Variants in EYA1 observed in about 807,000 individuals in gnomAD.
EYA1 encodes the protein protein phosphatase EYA1.
Under a neutral mutation model 82.0 loss-of-function variants are expected in EYA1, and 16 were observed. The observed-to-expected ratio is 0.20, with a 90% confidence interval of 0.13 to 0.30. EYA1 has a LOEUF of 0.30. Ranked by LOEUF, EYA1 falls within the 10% of genes least tolerant of loss-of-function variation. The probability of loss-of-function intolerance (pLI) is 1.00; values close to 1 mark genes in which losing one functional copy is unlikely to be tolerated. For missense variants in EYA1, 633 were observed against 730.7 expected (o/e 0.87, Z 1.54); for synonymous variants, 261 against 264.4 (o/e 0.99, Z 0.12).
chr8:71,215,453 T>G lies in EYA1; in HGVS notation c.1531A>C (p.Lys511Gln). The change falls in exon 16 of 18, where the codon AAA becomes CAA. Residue 511 changes from lysine to glutamine, a missense_variant. Coordinates refer to ENST00000340726, the MANE Select transcript of EYA1 (RefSeq NM_000503.6). ...ATTCCTAACCCATACAGCAGGACTT[T>G]CGCCAATGCTGGGATGAGCTGAGTA... ...TTTQLIPALA[K>Q]VLLYGLGIVF... 2 of 1,613,350 alleles carry G rather than the reference T, an allele frequency of 1.2e-6. No individual in the cohort carries two copies. The highest frequency in any genetic ancestry group is 1.7e-6 in the Non-Finnish European group (2 of 1,179,236).
chr8:71,209,858 G>A lies in EYA1; in HGVS notation c.1698+1298C>T, dbSNP rs115971202. Reference sequence around the variant, plus strand: ...CAGAGTACAACTATGACAAGATTTAGGGAGTTATAAAAAAATCTGAAGACA... The same window carrying A: ...CAGAGTACAACTATGACAAGATTTAAGGAGTTATAAAAAAATCTGAAGACA... On this transcript the variant is annotated intron_variant, in intron 17 of 17. Coordinates refer to ENST00000340726, the MANE Select transcript of EYA1 (RefSeq NM_000503.6). Among the ~76,000 whole-genome samples the A allele has an allele frequency of 7.2e-3, 1,094 of 152,214 alleles. 17 individuals carry two copies. Among genetic ancestry groups the A allele is most frequent in the African/African-American group, 0.025 (1,019 of 41,514 alleles).
intron 12 of EYA1, among the ~76,000 whole-genome samples, chr8:71,244,385 ATCTTTACTACTGG>A (rs1296083332): frequency 1.1e-4 from 17 of 152,228 alleles, no homozygotes; most frequent in Admixed American, 1.1e-3. Flanking sequence ...TCAAATTTTA[ATCTTTACTACTGG>A]TCATGTAGGA....
intron 2 of EYA1, among the ~76,000 whole-genome samples, chr8:71,405,340 C>T (rs1309380203): frequency 6.6e-6 from 1 of 152,166 alleles, no homozygotes; most frequent in African/African-American, 2.4e-5. Context: ...CTCTCCTGTC[C>T]AACCTTTTTT....
intron 11 of EYA1, among the ~76,000 whole-genome samples, chr8:71,259,079 A>T (rs1814788328): frequency 6.6e-6 from 1 of 152,152 alleles, no homozygotes; most frequent in Admixed American, 6.5e-5. Context: ...TATTTTACTG[A>T]TAGTATTGGG....
chr8:71,287,955 A>T (rs921516558), intron 9 of EYA1, among the ~76,000 whole-genome samples: 1 of 152,218 alleles, frequency 6.6e-6, no homozygotes, highest in African/African-American at 2.4e-5. Context: ...TCCACAGAGA[A>T]ATAATACACC....
intron 2 of EYA1, among the ~76,000 whole-genome samples, chr8:71,483,634 G>A (rs534367365): frequency 6.6e-6 from 1 of 151,766 alleles, no homozygotes; most frequent in African/African-American, 2.4e-5. Context: ...GGAAGAATAT[G>A]ACAATCTGCC....
chr8:71,521,558 G>A (rs1813403839), intron 2 of EYA1, among the ~76,000 whole-genome samples: 1 of 152,090 alleles, frequency 6.6e-6, no homozygotes, highest in African/African-American at 2.4e-5. Context: ...TATAATGCAT[G>A]GAAATGCATG....
chr8:71,499,018 G>A (rs2129234832), intron 2 of EYA1, among the ~76,000 whole-genome samples: 1 of 152,250 alleles, frequency 6.6e-6, no homozygotes, highest in East Asian at 1.9e-4. Flanking sequence ...GCTCTGGCAG[G>A]AGCCAATTCT....
intron 2 of EYA1, among the ~76,000 whole-genome samples, chr8:71,454,553 A>G (rs1807710022): frequency 6.6e-6 from 1 of 152,212 alleles, no homozygotes; most frequent in Admixed American, 6.5e-5. Context: ...AAAGAACAGA[A>G]ATTATAACAA....
At chr8:71,232,251 C>T (rs186140805) in intron 12 of EYA1, among the ~76,000 whole-genome samples, 381 of 152,318 alleles carry the variant, frequency 2.5e-3, no homozygotes, top group African/African-American at 8.6e-3. Context: ...ACTGCTGCCC[C>T]CTGCCTCCTA....
intron 2 of EYA1, among the ~76,000 whole-genome samples, chr8:71,479,623 G>GAA (rs34377404): frequency 1.2e-4 from 12 of 100,198 alleles, no homozygotes; most frequent in East Asian, 9.6e-4. Flanking sequence ...CTTTCTTTAT[G>GAA]AAAAAAAAAA....
intron 2 of EYA1, 66 bp downstream of exon 2, chr8:71,356,396 A>T (rs368438250): frequency 7.3e-7 from 1 of 1,373,056 alleles, no homozygotes. Context: ...GAAACACTAG[A>T]CAAAAATAGA....
intron 9 of EYA1, among the ~76,000 whole-genome samples, chr8:71,275,449 G>C (rs1586133759): frequency 6.6e-6 from 1 of 152,174 alleles, no homozygotes; most frequent in East Asian, 1.9e-4. Flanking sequence ...TAGGCTGCTA[G>C]ACTACTCTGA....
chr8:71,212,819 A>G (rs1048501504), intron 16 of EYA1, among the ~76,000 whole-genome samples: 6 of 152,208 alleles, frequency 3.9e-5, no homozygotes, highest in African/African-American at 1.4e-4. Flanking sequence ...AGTGGTTCAC[A>G]CCTGTAATCC....
At chr8:71,446,319 C>T (rs1806873955) in intron 2 of EYA1, among the ~76,000 whole-genome samples, 1 of 152,020 alleles carries the variant, frequency 6.6e-6, no homozygotes, top group South Asian at 2.1e-4. Context: ...TGAGTGAGTG[C>T]TCATGAGACC....
intron 12 of EYA1, 78 bp from the exon 13 acceptor site, chr8:71,217,101 C>G (rs767593012): frequency 2.3e-5 from 26 of 1,110,310 alleles, no homozygotes; most frequent in Non-Finnish European, 3.2e-5. Context: ...AAAAACCATA[C>G]ATATTTTTTA....
At chr8:71,210,658 A>G (rs927522004) in intron 17 of EYA1, among the ~76,000 whole-genome samples, 3 of 152,226 alleles carry the variant, frequency 2.0e-5, no homozygotes, top group Admixed American at 2.0e-4. Context: ...CCCTGCCCTG[A>G]GAGAGACAGG....
chr8:71,363,374 CA>C (rs1236587033), upstream of EYA1, among the ~76,000 whole-genome samples: 1 of 152,058 alleles, frequency 6.6e-6, no homozygotes, highest in Non-Finnish European at 1.5e-5. Flanking sequence ...GACTTCCCCC[CA>C]ACCACCGAAA....
intron 2 of EYA1, among the ~76,000 whole-genome samples, chr8:71,476,948 C>G (rs1438566659): frequency 6.6e-6 from 1 of 151,674 alleles, no homozygotes; most frequent in Non-Finnish European, 1.5e-5. Context: ...TTTTTTTCAA[C>G]AAAAGTGACA....
Sources: gnomAD v4.1 joint callset for allele counts (sites outside exome capture counted in the v4.1 genomes callset) on GRCh38, gnomAD v4.1.1 for gene constraint, MANE v1.5 for transcripts, NCBI Gene and HGNC (gene_info 2026-07-23, HGNC 2026-07-21) for gene names.